The following NPHP4 variants were observed in gnomAD, a reference collection of about 807,000 sequenced individuals.
NPHP4 encodes the protein nephrocystin-4.
Under a neutral mutation model 155.8 loss-of-function variants are expected in NPHP4, and 151 were observed. The observed-to-expected ratio is 0.97, with a 90% CI of 0.85 to 1.11. NPHP4 has a LOEUF of 1.11. Ranked by LOEUF, NPHP4 falls within the 50% of genes least tolerant of loss-of-function variation. The probability of loss-of-function intolerance (pLI) is 0.00; values close to 1 mark genes in which losing one functional copy is unlikely to be tolerated. For missense variants in NPHP4, 1,956 were observed against 1,925.7 expected (o/e 1.02, Z -0.29); for synonymous variants, 845 against 816.8 (o/e 1.03, Z -0.59).
chr1:5,867,683 C>T lies in NPHP4; in HGVS notation c.3472+57G>A. On this transcript the variant is annotated intron_variant, in intron 24 of 29. Transcript: ENST00000378156. This position sits in a 1 kb window ranked among gnomAD's most constrained non-coding sequence, Gnocchi z 4.1. ...GCCATCTGTCACCCTCAAGAGGTAT[C>T]TACTTCCAACAGGTGAGCCTGCAAC... 6.3e-7 allele frequency: 1 copy of T among 1,577,542 alleles called. No individual in the cohort carries two copies. The highest frequency in any genetic ancestry group is 8.6e-7 in the Non-Finnish European group (1 of 1,160,130).
At position 5,902,559 on chromosome 1, in the gene NPHP4, G is replaced by A. The variant is rs374717580; in HGVS notation, c.2143+2058C>T. Among the ~76,000 whole-genome samples, 124 of 152,264 alleles carry A rather than the reference G, an allele frequency of 8.1e-4. 1 individual carries two copies. Among genetic ancestry groups the A allele is most frequent in the Non-Finnish European group, 2.5e-4 (17 of 68,012 alleles). ...TGGTGCCCAACTGTTTGGTTGACCC[G>A]TTCTATTGTTTTGTCTTCTAAGCAT... On this transcript the variant is annotated intron_variant, in intron 16 of 29. Transcript: ENST00000378156.
rs371072541 is a variant in NPHP4, at chr1:5,901,542, G to C, written c.2143+3075C>G. Among the ~76,000 whole-genome samples, 31 of 152,298 alleles carry C rather than the reference G, an allele frequency of 2.0e-4. 1 individual carries two copies. In the East Asian group the frequency reaches 4.8e-3, roughly 24 times the overall value. Reference sequence around the variant, plus strand: ...TTGATTTTGGAGTTTCATTTCTTTGGACTTCAACTTGCAAGGAAATTTAAT... The same window carrying C: ...TTGATTTTGGAGTTTCATTTCTTTGCACTTCAACTTGCAAGGAAATTTAAT... On this transcript the variant is annotated intron_variant, in intron 16 of 29. Transcript: ENST00000378156.
At chr1:5,991,239 G>A (rs1656228115) in intron 1 of NPHP4, among the ~76,000 whole-genome samples, 1 of 151,862 alleles carries the variant, frequency 6.6e-6, no homozygotes, top group Admixed American at 6.6e-5. Flanking sequence ...CCCTGCGCCC[G>A]GGAGAAACGG....
chr1:5,868,720 C>A (rs576038670), intron 23 of NPHP4, among the ~76,000 whole-genome samples: 302 of 137,586 alleles, frequency 2.2e-3, no homozygotes, highest in African/African-American at 7.1e-3. Flanking sequence ...CACACACACA[C>A]ATGCACGCCC....
At chr1:5,883,290 C>T (rs1344375314) in intron 18 of NPHP4, among the ~76,000 whole-genome samples, 3 of 150,834 alleles carry the variant, frequency 2.0e-5, no homozygotes, top group African/African-American at 4.9e-5. Flanking sequence ...CTCCACATGA[C>T]GAGGAGAAAA....
chr1:5,977,649 T>C (rs1354936984), intron 3 of NPHP4, among the ~76,000 whole-genome samples: 1 of 150,694 alleles, frequency 6.6e-6, no homozygotes. Flanking sequence ...TGCTGTGCAG[T>C]GAACCACAGA....
At position 5,867,766 on chromosome 1, in the gene NPHP4, C is replaced by T. The variant is rs749025936; in HGVS notation, c.3446G>A (p.Arg1149His). The change falls in exon 24 of 30, where the codon CGC (arginine) becomes CAC (histidine). Residue 1149 changes from arginine (R) to histidine (H), a missense_variant. Coordinates refer to ENST00000378156, the MANE Select transcript of NPHP4 (RefSeq NM_015102.5). This position sits in a 1 kb window ranked among gnomAD's most constrained non-coding sequence, Gnocchi z 4.1. ...TGGAAATGTGTGCCAGGGCGGCAGG[C>T]GGATGGCCTTCTTCAGGAAGGAGAG... is the stretch of plus-strand genomic sequence containing the variant. ...PELSFLKKAI[R>H]LPPWHTFPGA... 27 of 1,611,156 alleles carry T rather than the reference C, an allele frequency of 1.7e-5. No individual in the cohort carries two copies. The highest frequency in any genetic ancestry group is 1.2e-4 in the South Asian group (11 of 91,072).
rs1206495963 is a variant in NPHP4 at position 5,907,239 on chromosome 1, C to A, written c.1504-17G>T. ...AATTGACAACTGGAAGGAAAGAGAG[C>A]ACAGGTGAGGGGCTCAGAAGCTTGC... is the stretch of plus-strand genomic sequence containing the variant. On this transcript the variant is annotated splice_polypyrimidine_tract_variant and intron_variant, in intron 12 of 29. Transcript: ENST00000378156. 5 of 1,520,758 alleles carry A rather than the reference C, an allele frequency of 3.3e-6. No homozygotes were observed. In the Admixed American group the frequency reaches 5.7e-5, roughly 17 times the overall value. The allele number at this position is 1,520,758 out of a possible 1,614,324, so 94.2% of individuals were successfully genotyped here. A position where few individuals can be genotyped will look rare whatever the true frequency, so the allele number is the denominator to read the frequency against.
chr1:5,873,270 C>A lies in NPHP4; in HGVS notation c.3297G>T (p.Val1099=). Residue 1099 remains valine (V), a synonymous_variant, in exon 23 of 30, where the codon GTG becomes GTT. Coordinates refer to ENST00000378156, the MANE Select transcript of NPHP4 (RefSeq NM_015102.5). The part of the protein sequence containing the change: ...DAVSPWKSSA[V]PTKHAKVLFR... ...CCTTTACCTTGGCGTGTTTAGTGGG[C>A]ACTGCGCTGGACTTCCAAGGTGACA... 6.2e-7 allele frequency: 1 copy of A among 1,613,890 alleles called. No homozygotes were observed. The highest frequency in any genetic ancestry group is 8.5e-7 in the Non-Finnish European group (1 of 1,179,772).
At position 5,873,239 on chromosome 1, in the gene NPHP4, G is replaced by C; in HGVS notation, c.3315+13C>G. 1 of 1,607,032 alleles carries C rather than the reference G, an allele frequency of 6.2e-7. No homozygotes were observed. The highest frequency in any genetic ancestry group is 8.5e-7 in the Non-Finnish European group (1 of 1,173,578). ...AAGCCCCGAGATCAGTTTGTCCTCC[G>C]TTGCCCCTTTACCTTGGCGTGTTTA... On this transcript the variant is annotated intron_variant, in intron 23 of 29. Transcript: ENST00000378156.
intron 29 of NPHP4, 116 bp downstream of exon 29, chr1:5,863,774 G>T: frequency 1.7e-6 from 2 of 1,157,936 alleles, no homozygotes; most frequent in East Asian, 2.4e-5. Context: ...CACCGCCCTG[G>T]GGCTTTTGGA....
intron 1 of NPHP4, among the ~76,000 whole-genome samples, chr1:5,990,724 G>A (rs1206543272): frequency 6.6e-6 from 1 of 152,168 alleles, no homozygotes; most frequent in Non-Finnish European, 1.5e-5. Flanking sequence ...AAGGAGGCCA[G>A]GAGAGGCCAA....
In NPHP4 at chr1:5,890,931, C is replaced by T. The variant is rs746055878; in HGVS notation, c.2241G>A (p.Leu747=). 15 of 1,609,594 alleles carry T rather than the reference C, an allele frequency of 9.3e-6. No individual in the cohort carries two copies. The highest frequency in any genetic ancestry group is 2.2e-5 in the South Asian group (2 of 90,388). ...AGTCTCCGTCCCAGACGTCAATCTG[C>T]AGGGTCTGCACGGCCAGGTAGCGGG... ...CFARYLAVQT[L]QIDVWDGDSL... is the part of the protein sequence containing the mutation. The change falls in exon 17 of 30, where the codon CTG becomes CTA. Residue 747 remains leucine, a synonymous_variant. Coordinates refer to ENST00000378156, the MANE Select transcript of NPHP4 (RefSeq NM_015102.5). The surrounding 1 kb of genome is among the most constrained non-coding windows in gnomAD (Gnocchi z 4.9).
chr1:5,890,956 G>A lies in NPHP4; in HGVS notation c.2216C>T (p.Ala739Val). 6.3e-7 allele frequency: 1 copy of A among 1,599,378 alleles called. No individual in the cohort carries two copies. The highest frequency in any genetic ancestry group is 8.6e-7 in the Non-Finnish European group (1 of 1,169,586). Residue 739 changes from alanine (A) to valine (V), a missense_variant, in exon 17 of 30, where the codon GCC becomes GTC. Coordinates refer to ENST00000378156, the MANE Select transcript of NPHP4 (RefSeq NM_015102.5). This position sits in a 1 kb window ranked among gnomAD's most constrained non-coding sequence, Gnocchi z 4.9. ...CAGGGTCTGCACGGCCAGGTAGCGG[G>A]CAAAGCAGCGCCGCTCACCTGGCTT... ...FLKPGERRCF[A>V]RYLAVQTLQI...
chr1:5,923,452 C>G (rs1215624795), intron 11 of NPHP4, among the ~76,000 whole-genome samples: 1 of 152,186 alleles, frequency 6.6e-6, no homozygotes, highest in African/African-American at 2.4e-5. Context: ...ATGAGCAGCA[C>G]AGAGAGAGAA....
At chr1:5,977,347 C>T (rs1005976845) in intron 3 of NPHP4, among the ~76,000 whole-genome samples, 9 of 152,040 alleles carry the variant, frequency 5.9e-5, no homozygotes, top group Non-Finnish European at 1.0e-4. Context: ...GAAGCAGCCT[C>T]GTCCCTGCTT....
At position 5,986,140 on chromosome 1, in the gene NPHP4, AGCACATTTTGTTACC is replaced by A. The variant is rs1557895715; in HGVS notation, c.135_135+14del. 2 of 1,613,768 alleles carry A rather than the reference AGCACATTTTGTTACC, an allele frequency of 1.2e-6. No individual in the cohort carries two copies. Among genetic ancestry groups the A allele is most frequent in the African/African-American group, 2.7e-5 (2 of 75,046 alleles). ...AGAGCAATAACACGCATTTGCTAACAGCACATTTTGTTACCTGCCTAATTACCGGTCCGTCCAGCC... is the reference window on the plus strand; with the variant it reads ...AGAGCAATAACACGCATTTGCTAACATGCCTAATTACCGGTCCGTCCAGCC... On this transcript the variant is annotated splice_donor_variant and splice_donor_5th_base_variant and coding_sequence_variant and intron_variant, in exon 2 of 30. Transcript: ENST00000378156. LOFTEE classifies it high-confidence loss of function.
At chr1:5,966,988 G>A (rs936919754) in intron 5 of NPHP4, among the ~76,000 whole-genome samples, 1 of 152,346 alleles carries the variant, frequency 6.6e-6, no homozygotes, top group Middle Eastern at 3.4e-3. Context: ...TGAGACAGCC[G>A]GTGGCTGGTG....
At chr1:5,979,296 G>A (rs1489451156) in intron 2 of NPHP4, among the ~76,000 whole-genome samples, 1 of 152,176 alleles carries the variant, frequency 6.6e-6, no homozygotes, top group African/African-American at 2.4e-5. Flanking sequence ...TGCCCTTACA[G>A]GGCTTACATG....
Sources: gnomAD v4.1 joint callset for allele counts (sites outside exome capture counted in the v4.1 genomes callset) on GRCh38, gnomAD v4.1.1 for gene constraint, Gnocchi (gnomAD v3.1) non-coding constraint, MANE v1.5 for transcripts, NCBI Gene and HGNC (gene_info 2026-07-23, HGNC 2026-07-21) for gene names.